IDO2: variants seen among roughly 807,000 people sequenced by gnomAD.
IDO2 encodes the protein indoleamine 2,3-dioxygenase 2, also known as indoleamine 2,3-dioxygenase-like 1 protein.
Under a neutral mutation model 45.1 loss-of-function variants are expected in IDO2, and 46 were observed. That is an observed-to-expected ratio of 1.02 (90% CI 0.80 to 1.30). IDO2 has a LOEUF of 1.30. IDO2 is among the 50% of genes most tolerant of loss of function. The pLI is 0.00. For missense variants in IDO2, 544 were observed against 491.8 expected, an observed-to-expected ratio of 1.11 and a Z score of -1.00; for synonymous variants, 218 against 184.9, an observed-to-expected ratio of 1.18 and a Z score of -1.45.
chr8:39,991,238 C>T (rs1471477065), intron 8 of IDO2, among the ~76,000 whole-genome samples: 1 of 152,024 alleles, frequency 6.6e-6, no homozygotes, highest in Non-Finnish European at 1.5e-5. Flanking sequence ...TCTCTATTTC[C>T]TTGAATTTTA....
chr8:39,971,893 C>T (rs1808185148), intron 3 of IDO2, among the ~76,000 whole-genome samples: 1 of 152,058 alleles, frequency 6.6e-6, no homozygotes. Context: ...ACTGCAGGCT[C>T]TGCCTCCCTG....
Position 39,954,111 on chromosome 8 carries a change from G to A in IDO2, c.99+4847G>A, listed in dbSNP as rs1228520759. 5.3e-5 allele frequency among the ~76,000 whole-genome samples: 8 copies of A among 152,126 alleles called. No individual in the cohort carries two copies. The East Asian group carries it at 1.5e-3, about 29-fold the overall frequency. On this transcript the variant is annotated intron_variant, in intron 2 of 10. Transcript: ENST00000502986. ...TTATTCACTGGTTTCTATGCCTAAG[G>A]GCATTTAGGAAGTTGCTTAGGATAC...
intron 10 of IDO2, 36 bp downstream of exon 10, chr8:40,013,749 G>C (rs567830752): frequency 6.8e-6 from 10 of 1,460,012 alleles, no homozygotes; most frequent in Non-Finnish European, 9.1e-6. Flanking sequence ...TGAGAGTAGA[G>C]GGAGGAAGAG....
intron 9 of IDO2, 24 bp downstream of exon 9, chr8:40,005,402 C>T (rs763280578): frequency 5.4e-6 from 8 of 1,480,470 alleles, no homozygotes; most frequent in South Asian, 1.4e-5. Flanking sequence ...AGTTGTTTTC[C>T]TGTGTGAAGT....
In IDO2 at chr8:40,013,727, T is replaced by C. The variant is rs1294062790; in HGVS notation, c.868+14T>C. On this transcript the variant is annotated intron_variant, in intron 10 of 10. Coordinates refer to ENST00000502986, the Ensembl canonical transcript of IDO2. ...GCAAGGAAAGTGGTAAGTCAGACAT[T>C]TTGTTTTCCCTTGAGAGTAGAGGGA... 2 of 1,589,164 alleles carry C rather than the reference T, an allele frequency of 1.3e-6. No homozygotes were observed. The highest frequency in any genetic ancestry group is 1.7e-6 in the Non-Finnish European group (2 of 1,165,438).
chr8:40,013,467 TCATGTTCC>T (rs1193413576), intron 9 of IDO2, 90 bp from the exon 10 acceptor site: 22 of 1,201,664 alleles, frequency 1.8e-5, no homozygotes, highest in Non-Finnish European at 2.2e-5. Flanking sequence ...ACCATTGAAA[TCATGTTCC>T]CTTTCTCATT....
intron 9 of IDO2, among the ~76,000 whole-genome samples, chr8:40,007,815 G>A (rs1250132998): frequency 1.3e-5 from 2 of 152,098 alleles, no homozygotes; most frequent in African/African-American, 4.8e-5. Context: ...TTCCATTTAG[G>A]GTCGCAAAAG....
At chr8:39,979,618 G>C (rs910796500) in intron 4 of IDO2, among the ~76,000 whole-genome samples, 32 of 152,234 alleles carry the variant, frequency 2.1e-4, no homozygotes, top group African/African-American at 7.0e-4. Context: ...TTCCCACAGT[G>C]CTGGGATTAT....
rs1184797533 is a variant in IDO2, at chr8:39,982,216, A to ATC, written c.316-428_316-427dup. On this transcript the variant is annotated intron_variant, in intron 4 of 10. Coordinates refer to ENST00000502986, the Ensembl canonical transcript of IDO2. ...TCTATCATCTATCTATGTATCTATC[A>ATC]TCTCTCTCTATATATGTGTGTATAT... 6.4e-5 allele frequency among the ~76,000 whole-genome samples: 8 copies of ATC among 124,734 alleles called. No homozygotes were observed. In the East Asian group the frequency reaches 7.1e-4, roughly 11 times the overall value. The allele number at this position is 124,734 out of a possible 152,430, so 81.8% of individuals were successfully genotyped here.
At chr8:39,989,985 G>A in intron 8 of IDO2, 147 bp downstream of exon 8, 1 of 579,896 alleles carries the variant, frequency 1.7e-6, no homozygotes, top group Non-Finnish European at 3.1e-6. Context: ...TTTGTTTTAG[G>A]TTAAACACAT....
In IDO2 at chr8:39,999,276, C is replaced by CTTTTTTT. The variant is rs35720120; in HGVS notation, c.668-6036_668-6030dup. 9.1e-4 allele frequency among the ~76,000 whole-genome samples: 71 copies of CTTTTTTT among 78,420 alleles called. 1 individual carries two copies. Among genetic ancestry groups the CTTTTTTT allele is most frequent in the African/African-American group, 2.3e-3 (45 of 19,830 alleles). 51.4% of individuals were successfully genotyped at this position (78,420 alleles called of 152,430 possible). A position where few individuals can be genotyped will look rare whatever the true frequency, so the allele number is the denominator to read the frequency against. On this transcript the variant is annotated intron_variant, in intron 8 of 10. Coordinates refer to ENST00000502986, the Ensembl canonical transcript of IDO2. ...GGCCTTGGGCTTCATTCTGCTGCTG[C>CTTTTTTT]TTTTTTTTTTTTTTTTTTTTTGAGA...
exon 11 of IDO2, chr8:40,015,954 G>A: frequency 2.9e-6 from 1 of 341,524 alleles, no homozygotes; most frequent in Non-Finnish European, 5.1e-6. Flanking sequence ...TACATTACTT[G>A]TTGATTTTCT....
intron 8 of IDO2, among the ~76,000 whole-genome samples, chr8:39,999,235 G>T (rs1484473047): frequency 2.7e-5 from 4 of 150,186 alleles, no homozygotes; most frequent in South Asian, 2.1e-4. Flanking sequence ...CTACTTTTTG[G>T]GTTGCTCAAT....
chr8:39,941,152 G>A (rs184183035), intron 1 of IDO2, among the ~76,000 whole-genome samples: 65 of 142,048 alleles, frequency 4.6e-4, no homozygotes, highest in Non-Finnish European at 6.4e-4. Flanking sequence ...AACCTGGAAG[G>A]CAGAGGCTAC....
At chr8:40,007,508 T>A (rs1802241260) in intron 9 of IDO2, among the ~76,000 whole-genome samples, 1 of 151,928 alleles carries the variant, frequency 6.6e-6, no homozygotes, top group Non-Finnish European at 1.5e-5. Flanking sequence ...TGGGAGTGTG[T>A]TTTAGTATTT....
intron 8 of IDO2, among the ~76,000 whole-genome samples, chr8:39,991,811 T>A (rs144080949): frequency 0.016 from 2,502 of 152,294 alleles, 37 homozygotes; most frequent in Non-Finnish European, 0.024. Flanking sequence ...CCTCAGGTGA[T>A]CTGCCTACCT....
At chr8:39,982,230 A>G (rs1026995261) in intron 4 of IDO2, among the ~76,000 whole-genome samples, 14 of 66,160 alleles carry the variant, frequency 2.1e-4, no homozygotes, top group East Asian at 7.7e-4. Flanking sequence ...CTCTCTATAT[A>G]TGTGTGTATA....
exon 11 of IDO2, chr8:40,015,302 A>G: frequency 1.9e-6 from 3 of 1,613,728 alleles, no homozygotes; most frequent in Non-Finnish European, 2.5e-6. Flanking sequence ...AGGCCTTCAT[A>G]GAAGACATCC....
chr8:39,974,845 C>T (rs561676082), intron 3 of IDO2, among the ~76,000 whole-genome samples: 3 of 152,266 alleles, frequency 2.0e-5, no homozygotes, highest in African/African-American at 4.8e-5. Flanking sequence ...AGCTTGAACC[C>T]GGGAGGCAGA....
Sources: allele counts gnomAD v4.1 joint callset (sites outside exome capture counted in the v4.1 genomes callset), GRCh38; gene constraint gnomAD v4.1.1; transcripts MANE v1.5; gene names NCBI Gene and HGNC (gene_info 2026-07-23, HGNC 2026-07-21).